The following BLK variants were observed in gnomAD, a reference collection of about 807,000 sequenced individuals.
BLK encodes tyrosine-protein kinase Blk.
Under a neutral mutation model 61.8 loss-of-function variants are expected in BLK, and 64 were observed. The observed-to-expected ratio is 1.03, with a 90% CI of 0.85 to 1.27. The LOEUF is 1.27. Ranked by LOEUF, BLK falls within the 50% of genes most tolerant of loss-of-function variation. The pLI is 0.00. For synonymous variants in BLK, 351 were observed against 272.0 expected (o/e 1.29, Z -2.86); for missense variants, 853 against 660.5 (o/e 1.29, Z -3.19).
chr8:11,508,121 G>C (rs1201872207), intron 1 of BLK, among the ~76,000 whole-genome samples: 1 of 152,232 alleles, frequency 6.6e-6, no homozygotes, highest in East Asian at 1.9e-4. Context: ...AAGGACTAGA[G>C]CCAAAGTGCA....
intron 1 of BLK, 35 bp from the exon 2 acceptor site, chr8:11,543,189 T>C: frequency 1.2e-6 from 2 of 1,613,030 alleles, no homozygotes; most frequent in African/African-American, 1.3e-5. Context: ...GGCCCCGCTC[T>C]CTCATGTCCT....
chr8:11,497,037 C>T (rs994772279), intron 1 of BLK, among the ~76,000 whole-genome samples: 1 of 152,106 alleles, frequency 6.6e-6, no homozygotes, highest in Non-Finnish European at 1.5e-5. Flanking sequence ...AGAAACCTGG[C>T]CCCTCTTGCA....
chr8:11,543,843 A>G (rs1332988790), intron 2 of BLK, among the ~76,000 whole-genome samples: 1 of 152,236 alleles, frequency 6.6e-6, no homozygotes, highest in East Asian at 1.9e-4. Flanking sequence ...CAAAGGAAAA[A>G]AAAAGTGAAA....
chr8:11,562,643 G>A (rs1250848900), intron 11 of BLK, among the ~76,000 whole-genome samples: 2 of 152,236 alleles, frequency 1.3e-5, no homozygotes, highest in Non-Finnish European at 2.9e-5. Context: ...ATTAAACAAG[G>A]CCCCTGTAAG....
intron 1 of BLK, among the ~76,000 whole-genome samples, chr8:11,512,639 TACAC>T (rs1210918628): frequency 6.8e-6 from 1 of 146,752 alleles, no homozygotes; most frequent in East Asian, 2.0e-4. Flanking sequence ...TACTGCAAAT[TACAC>T]AGGCTTCTGG....
At chr8:11,537,670 C>T (rs1800188735) in intron 1 of BLK, among the ~76,000 whole-genome samples, 2 of 152,180 alleles carry the variant, frequency 1.3e-5, no homozygotes, top group Non-Finnish European at 2.9e-5. Flanking sequence ...AGCCACCTCG[C>T]CTCGCCTTCT....
rs189562887 is a variant in BLK, at chr8:11,517,508, C to T, written c.-2+22917C>T. ...GCTTGAGCCTCCCAGCTGCCAAGCA[C>T]GCCTGGATGTTCCAGATGTTTTCAG... On this transcript the variant is annotated intron_variant, in intron 1 of 12. Transcript: ENST00000259089. 1.1e-3 allele frequency among the ~76,000 whole-genome samples: 175 copies of T among 152,336 alleles called. 2 individuals are homozygous for T. The highest frequency in any genetic ancestry group is 3.8e-3 in the African/African-American group (157 of 41,574).
chr8:11,537,586 G>C (rs780828767), intron 1 of BLK, among the ~76,000 whole-genome samples: 37 of 152,190 alleles, frequency 2.4e-4, no homozygotes, highest in African/African-American at 7.2e-4. Context: ...GTTTTGTGCA[G>C]AGGGCTCAAG....
In BLK at chr8:11,564,435, AC is replaced by A; in HGVS notation, c.*333del. ...ATCAAGTAAGGCCCCCGTGCTGGGC[AC>A]CCCCCGTGCTGGCCGCGTCCCCGCC... is the stretch of plus-strand genomic sequence containing the variant. On this transcript the variant is annotated 3_prime_UTR_variant, in exon 13 of 13. Coordinates refer to ENST00000259089, the MANE Select transcript of BLK (RefSeq NM_001715.3). 1.6e-5 allele frequency: 9 copies of A among 576,418 alleles called. No homozygotes were observed. Among genetic ancestry groups the A allele is most frequent in the Non-Finnish European group, 2.6e-5 (8 of 304,300 alleles). 35.7% of individuals were successfully genotyped at this position (576,418 alleles called of 1,614,324 possible).
intron 1 of BLK, among the ~76,000 whole-genome samples, chr8:11,523,202 T>C (rs1409634450): frequency 6.6e-6 from 1 of 152,318 alleles, no homozygotes. Context: ...ATAAATTGAC[T>C]AGGTAGAAAT....
intron 1 of BLK, among the ~76,000 whole-genome samples, chr8:11,516,750 A>C (rs1252687442): frequency 6.6e-6 from 1 of 152,232 alleles, no homozygotes; most frequent in Non-Finnish European, 1.5e-5. Flanking sequence ...ATGTTGTAGC[A>C]TGTGCCAGAA....
intron 1 of BLK, among the ~76,000 whole-genome samples, chr8:11,523,287 C>G (rs773598611): frequency 6.6e-6 from 1 of 152,196 alleles, no homozygotes; most frequent in Non-Finnish European, 1.5e-5. Flanking sequence ...GGCATGGTGG[C>G]TCACACCTGT....
chr8:11,540,724 T>C (rs1323612095), intron 1 of BLK, among the ~76,000 whole-genome samples: 1 of 152,004 alleles, frequency 6.6e-6, no homozygotes, highest in African/African-American at 2.4e-5. Context: ...ATCATTCCTA[T>C]AGAAGAAATT....
chr8:11,528,641 T>C (rs1291446102), intron 1 of BLK, among the ~76,000 whole-genome samples: 1 of 151,950 alleles, frequency 6.6e-6, no homozygotes, highest in Non-Finnish European at 1.5e-5. Context: ...GTAAAAGGAG[T>C]GGAAGTGTCT....
chr8:11,556,479 T>C (rs1255451346), intron 8 of BLK, 179 bp from the exon 9 acceptor site: 2 of 731,412 alleles, frequency 2.7e-6, no homozygotes, highest in East Asian at 2.8e-5. Flanking sequence ...AGGCCCCATA[T>C]AGAAGGGACC....
intron 11 of BLK, among the ~76,000 whole-genome samples, 184 bp from the exon 12 acceptor site, chr8:11,562,795 C>A (rs557334743): frequency 9.2e-5 from 14 of 152,342 alleles, no homozygotes; most frequent in Admixed American, 3.3e-4. Context: ...GTCGTGTCTG[C>A]ACTCACCTGG....
chr8:11,539,267 C>T (rs1283450152), intron 1 of BLK, among the ~76,000 whole-genome samples: 5 of 152,158 alleles, frequency 3.3e-5, no homozygotes, highest in Non-Finnish European at 7.3e-5. Context: ...TTCCCTCATG[C>T]ACCTCTTTGG....
rs192426926 is a variant in BLK, at chr8:11,544,303, A to G, written c.123+956A>G. On this transcript the variant is annotated intron_variant, in intron 2 of 12. Coordinates refer to ENST00000259089, the MANE Select transcript of BLK (RefSeq NM_001715.3). ...TTAGATGATTCTTTGTGCTCTCTCC[A>G]CTCCCTGACCAGTGACCCCCTTTTG... is the stretch of plus-strand genomic sequence containing the variant. Among the ~76,000 whole-genome samples the G allele has an allele frequency of 5.4e-3, 822 of 151,560 alleles. 6 individuals are homozygous for G. The highest frequency in any genetic ancestry group is 0.019 in the African/African-American group (795 of 41,266).
intron 1 of BLK, among the ~76,000 whole-genome samples, chr8:11,497,237 G>A (rs1047719150): frequency 5.3e-5 from 8 of 152,158 alleles, no homozygotes; most frequent in Non-Finnish European, 7.4e-5. Flanking sequence ...CTAAAAGTTG[G>A]TGATTACATG....
Sources: gnomAD v4.1 joint callset for allele counts (sites outside exome capture counted in the v4.1 genomes callset) on GRCh38, gnomAD v4.1.1 for gene constraint, MANE v1.5 for transcripts, NCBI Gene and HGNC (gene_info 2026-07-23, HGNC 2026-07-21) for gene names.